AIG1: variants seen among roughly 807,000 people sequenced by gnomAD.
AIG1 encodes androgen induced 1.
A neutral mutation model predicts 31.4 loss-of-function variants in AIG1; 23 were observed. The observed-to-expected ratio is 0.73, with a 90% confidence interval of 0.53 to 1.04. The LOEUF is 1.04. Among genes scored for constraint, AIG1 ranks in the 50% least tolerant of loss-of-function variants. The pLI, the probability that AIG1 is intolerant of heterozygous loss-of-function variation, is 0.00. For synonymous variants in AIG1, 100 were observed against 110.5 expected (o/e 0.90, Z 0.60); for missense variants, 274 against 295.0 (o/e 0.93, Z 0.52).
At chr6:143,251,233 G>T (rs1276725657) in intron 3 of AIG1, among the ~76,000 whole-genome samples, 1 of 151,920 alleles carries the variant, frequency 6.6e-6, no homozygotes, top group Non-Finnish European at 1.5e-5. Context: ...TGTATTTTTA[G>T]TAGAGATGGG....
At chr6:143,213,046 A>T (rs1791713304) in intron 3 of AIG1, among the ~76,000 whole-genome samples, 1 of 152,232 alleles carries the variant, frequency 6.6e-6, no homozygotes. Context: ...CTTAACAAAT[A>T]TCAAAATGGA....
intron 3 of AIG1, among the ~76,000 whole-genome samples, chr6:143,182,085 G>A (rs575828878): frequency 1.3e-5 from 2 of 151,990 alleles, no homozygotes; most frequent in East Asian, 3.9e-4. Flanking sequence ...AAGTGCATTG[G>A]TGCAGTCATA....
chr6:143,310,866 G>C (rs913651106), intron 4 of AIG1, among the ~76,000 whole-genome samples: 1 of 151,694 alleles, frequency 6.6e-6, no homozygotes, highest in African/African-American at 2.4e-5. Context: ...TCAAGTCCTG[G>C]AAAGAAACAA....
At chr6:143,257,908 A>AC (rs537688261) in intron 3 of AIG1, among the ~76,000 whole-genome samples, 5 of 151,592 alleles carry the variant, frequency 3.3e-5, no homozygotes, top group African/African-American at 9.7e-5. Context: ...AGAGGCTGAG[A>AC]CCCCCCTAAA....
intron 1 of AIG1, among the ~76,000 whole-genome samples, chr6:143,083,516 A>G (rs187287247): frequency 1.3e-5 from 2 of 152,312 alleles, no homozygotes; most frequent in East Asian, 1.9e-4. Flanking sequence ...TATTTGGGAA[A>G]GTGGAGTATA....
At chr6:143,283,568 A>G (rs1410700811) in intron 3 of AIG1, among the ~76,000 whole-genome samples, 1 of 152,274 alleles carries the variant, frequency 6.6e-6, no homozygotes, top group Non-Finnish European at 1.5e-5. Flanking sequence ...CTTGATATCC[A>G]AGAACAAGAA....
chr6:143,077,615 T>G (rs1777852042), intron 1 of AIG1, among the ~76,000 whole-genome samples: 1 of 152,210 alleles, frequency 6.6e-6, no homozygotes, highest in Non-Finnish European at 1.5e-5. Context: ...GCCTTTATAT[T>G]TTTTTCCTCA....
intron 2 of AIG1, among the ~76,000 whole-genome samples, chr6:143,160,619 C>T (rs1786272020): frequency 1.3e-5 from 2 of 152,184 alleles, no homozygotes; most frequent in African/African-American, 4.8e-5. Context: ...TTCTTCACAA[C>T]AGTGGAAGGT....
rs115857216 is a variant in AIG1 at position 143,236,586 on chromosome 6, G to T, written c.400-47524G>T. Among the ~76,000 whole-genome samples, 1,135 of 152,286 alleles carry T rather than the reference G, an allele frequency of 7.5e-3. 22 individuals carry two copies. Among genetic ancestry groups the T allele is most frequent in the African/African-American group, 0.026 (1,066 of 41,542 alleles). ...TCTGAGCGAGTCACACTCTTTATGG[G>T]ACTTGTTTGAAGTCCAGCCAAGCTG... On this transcript the variant is annotated intron_variant, in intron 3 of 5. Transcript: ENST00000357847.
intron 3 of AIG1, among the ~76,000 whole-genome samples, chr6:143,249,473 G>A (rs1164801414): frequency 6.6e-6 from 1 of 152,152 alleles, no homozygotes; most frequent in Non-Finnish European, 1.5e-5. Flanking sequence ...TCGTGGAGGG[G>A]TGAACATTGT....
intron 1 of AIG1, chr6:143,126,240 T>A (rs1782678166): frequency 6.6e-6 from 1 of 152,246 alleles, no homozygotes; most frequent in South Asian, 2.1e-4. Flanking sequence ...AGCCTGTGGT[T>A]CTTTTAAATG....
intron 3 of AIG1, among the ~76,000 whole-genome samples, chr6:143,193,963 G>A (rs762693827): frequency 3.9e-5 from 6 of 152,168 alleles, no homozygotes; most frequent in African/African-American, 1.4e-4. Context: ...GAAGAAAAAG[G>A]ATATATATTT....
At chr6:143,178,999 T>A (rs1788467724) in intron 3 of AIG1, among the ~76,000 whole-genome samples, 1 of 151,560 alleles carries the variant, frequency 6.6e-6, no homozygotes. Flanking sequence ...CTCTGGGGAG[T>A]GGGCTCAACC....
intron 3 of AIG1, among the ~76,000 whole-genome samples, chr6:143,269,097 T>C (rs73781139): frequency 0.047 from 7,218 of 152,306 alleles, 556 homozygotes; most frequent in African/African-American, 0.16. Context: ...CTTACCTAGA[T>C]CACACTTTCT....
chr6:143,142,109 C>T (rs777750182), intron 2 of AIG1, among the ~76,000 whole-genome samples: 9 of 151,822 alleles, frequency 5.9e-5, no homozygotes, highest in Non-Finnish European at 1.2e-4. Context: ...AGGGTTTCGC[C>T]CTGTTGCCCA....
intron 1 of AIG1, among the ~76,000 whole-genome samples, chr6:143,087,609 A>G (rs9496516): frequency 0.16 from 24,852 of 152,224 alleles, 5,368 homozygotes; most frequent in African/African-American, 0.5. Context: ...AGCTCAGCTC[A>G]AGCTGTGAAA....
chr6:143,341,100 C>G (rs920589503), downstream of AIG1, among the ~76,000 whole-genome samples: 3 of 152,218 alleles, frequency 2.0e-5, no homozygotes, highest in African/African-American at 7.2e-5. Context: ...CACACATTCA[C>G]TCTATATGCC....
At chr6:143,259,597 G>T (rs1172512652) in intron 3 of AIG1, among the ~76,000 whole-genome samples, 1 of 152,144 alleles carries the variant, frequency 6.6e-6, no homozygotes, top group Non-Finnish European at 1.5e-5. Flanking sequence ...ACCTAGCTAA[G>T]AATTCTTTTA....
At chr6:143,125,657 T>A (rs1467734893) in intron 1 of AIG1, among the ~76,000 whole-genome samples, 1 of 152,238 alleles carries the variant, frequency 6.6e-6, no homozygotes, top group Non-Finnish European at 1.5e-5. Context: ...TGTGTGTTTA[T>A]CCAGCAATTG....
Sources: allele counts gnomAD v4.1 joint callset (sites outside exome capture counted in the v4.1 genomes callset), GRCh38; gene constraint gnomAD v4.1.1; transcripts MANE v1.5; gene names NCBI Gene and HGNC (gene_info 2026-07-23, HGNC 2026-07-21).